The following SLC2A2 variants were observed in gnomAD, a reference collection of about 807,000 sequenced individuals.
SLC2A2 encodes solute carrier family 2, facilitated glucose transporter member 2.
Under a neutral mutation model 54.5 loss-of-function variants are expected in SLC2A2, and 36 were observed. That is an observed-to-expected ratio of 0.66 (90% CI 0.51 to 0.87). The LOEUF (loss-of-function observed/expected upper bound fraction) is 0.87. Among genes scored for constraint, SLC2A2 ranks in the 40% least tolerant of loss-of-function variants. The probability of loss-of-function intolerance (pLI) is 0.00; values close to 1 mark genes in which losing one functional copy is unlikely to be tolerated. For synonymous variants in SLC2A2, 223 were observed against 219.1 expected (o/e 1.02, Z -0.16); for missense variants, 543 against 624.3 (o/e 0.87, Z 1.39).
chr3:170,997,991 G>T lies in SLC2A2; in HGVS notation c.1487C>A (p.Ala496Asp). 8 of 1,613,646 alleles carry T rather than the reference G, an allele frequency of 5.0e-6. No homozygotes were observed. Among genetic ancestry groups the T allele is most frequent in the Non-Finnish European group, 6.8e-6 (8 of 1,179,768 alleles). Residue 496 changes from alanine (A) to aspartate (D), a missense_variant, in exon 11 of 11, where the codon GCT becomes GAT. Coordinates refer to ENST00000314251, the MANE Select transcript of SLC2A2 (RefSeq NM_000340.2). ...ETKGKSFEEIAAEFQKKSGSA... is the reference protein window; with the variant it reads ...ETKGKSFEEIDAEFQKKSGSA... ...GCCACTCTTCTTTTGGAATTCTGCA[G>T]CAATTTCCTCAAAAGACTTTCCTTT...
At chr3:171,003,295 A>G (rs1240708277) in intron 7 of SLC2A2, among the ~76,000 whole-genome samples, 1 of 151,926 alleles carries the variant, frequency 6.6e-6, no homozygotes, top group East Asian at 1.9e-4. Flanking sequence ...ATTTTATTAT[A>G]TTAATATACC....
chr3:171,026,636 T>G lies in SLC2A2; in HGVS notation c.15+20A>C, dbSNP rs1388170813. The G allele has an allele frequency of 6.2e-7, 1 of 1,609,308 alleles. No individual in the cohort carries two copies. Among genetic ancestry groups the G allele is most frequent in the Admixed American group, 1.7e-5 (1 of 60,022 alleles). On this transcript the variant is annotated intron_variant, in intron 1 of 10. Transcript: ENST00000314251. ...TATCTCCTGAAAACCAGACTTGAAA[T>G]GAATATAATGCTGCTTTACCTTATC...
Position 171,026,696 on chromosome 3 carries a change from T to G in SLC2A2, c.-26A>C. ...TGTACTAGTTGGGAGTCCTGTCAAT[T>G]CCAGGTCTTGTGTGAGTGTGGCACA... On this transcript the variant is annotated 5_prime_UTR_variant, in exon 1 of 11. Coordinates refer to ENST00000314251, the MANE Select transcript of SLC2A2 (RefSeq NM_000340.2). 6.2e-7 allele frequency: 1 copy of G among 1,610,772 alleles called. No individual in the cohort carries two copies. Among genetic ancestry groups the G allele is most frequent in the Non-Finnish European group, 8.5e-7 (1 of 1,176,860 alleles).
chr3:171,002,723 G>GCA (rs756161836), intron 7 of SLC2A2, 43 bp from the exon 8 acceptor site: 1 of 1,073,246 alleles, frequency 9.3e-7, no homozygotes, highest in East Asian at 2.5e-5. Context: ...AAGAAGTCTG[G>GCA]CACTGATATC....
At chr3:171,020,388 G>A (rs1275099868) in intron 1 of SLC2A2, among the ~76,000 whole-genome samples, 8 of 152,062 alleles carry the variant, frequency 5.3e-5, no homozygotes, top group Non-Finnish European at 1.0e-4. Context: ...CTCTGGGGTG[G>A]GGATAGGGAA....
chr3:171,019,083 ATATG>A (rs200246301), intron 1 of SLC2A2, among the ~76,000 whole-genome samples: 1,822 of 93,642 alleles, frequency 0.019, 54 homozygotes, highest in African/African-American at 0.096. Context: ...GTGTATATAT[ATATG>A]TGTGTGTGTG....
intron 9 of SLC2A2, 67 bp downstream of exon 9, chr3:170,998,998 T>G: frequency 1.0e-6 from 1 of 999,900 alleles, no homozygotes; most frequent in South Asian, 1.3e-5. Flanking sequence ...CACTTTAACC[T>G]GGACCACAGA....
In SLC2A2 at chr3:170,997,153, G is replaced by T. The variant is rs967025279; in HGVS notation, c.*750C>A. The T allele has an allele frequency of 6.6e-6, 1 of 152,350 alleles. No individual in the cohort carries two copies. Among genetic ancestry groups the T allele is most frequent in the Non-Finnish European group, 1.5e-5 (1 of 68,212 alleles). The allele number at this position is 152,350 out of a possible 1,614,324, so 9.4% of individuals were successfully genotyped here. A position where few individuals can be genotyped will look rare whatever the true frequency, so the allele number is the denominator to read the frequency against. On this transcript the variant is annotated 3_prime_UTR_variant, in exon 11 of 11. Coordinates refer to ENST00000314251, the MANE Select transcript of SLC2A2 (RefSeq NM_000340.2). ...AGGGAATCAACATGGTTTTATAATA[G>T]ATGTTAATGTTAACTGATAACCCAC...
intron 3 of SLC2A2, among the ~76,000 whole-genome samples, chr3:171,011,895 A>G (rs1028208129): frequency 6.6e-6 from 1 of 152,142 alleles, no homozygotes; most frequent in Non-Finnish European, 1.5e-5. Context: ...CCCTTTCCCT[A>G]CCACCAAAGG....
intron 1 of SLC2A2, among the ~76,000 whole-genome samples, chr3:171,019,077 A>G (rs562355008): frequency 0.022 from 1,920 of 85,842 alleles, 18 homozygotes; most frequent in African/African-American, 0.072. Flanking sequence ...GTGTGTGTGT[A>G]TATATATATG....
At chr3:171,002,489 A>G (rs1715385577) in intron 8 of SLC2A2, 87 bp downstream of exon 8, 1 of 819,624 alleles carries the variant, frequency 1.2e-6, no homozygotes, top group African/African-American at 1.7e-5. Flanking sequence ...TAAGTCATTG[A>G]TTGCTTTTAG....
Position 171,005,982 on chromosome 3 carries a change from G to A in SLC2A2, c.736C>T (p.Leu246Phe). 1 of 1,612,526 alleles carries A rather than the reference G, an allele frequency of 6.2e-7. No individual in the cohort carries two copies. The highest frequency in any genetic ancestry group is 1.3e-5 in the African/African-American group (1 of 74,934). ...ACTTCCTCATCTAACTTGATGTAAA[G>A]GTATCTGGGGCTTTCTGGACAGAAA... ...LFFCPESPRY[L>F]YIKLDEEVKA... Residue 246 changes from leucine (L) to phenylalanine (F), a missense_variant, in exon 6 of 11, where the codon CTT becomes TTT. Leu to Phe is a conservative substitution (Grantham distance 22, BLOSUM62 0). Around this residue, in one of 3 missense-constraint regions of SLC2A2, gnomAD observed 318 missense variants for 343.8 expected, o/e 0.93. Coordinates refer to ENST00000314251, the MANE Select transcript of SLC2A2 (RefSeq NM_000340.2).
chr3:170,997,584 A>G lies in SLC2A2; in HGVS notation c.*319T>C, dbSNP rs1391409692. 3.9e-6 allele frequency: 1 copy of G among 257,956 alleles called. No homozygotes were observed. The highest frequency in any genetic ancestry group is 5.0e-5 in the Admixed American group (1 of 19,832). 16.0% of individuals were successfully genotyped at this position (257,956 alleles called of 1,614,324 possible). ...AGGTTTCTAGTTATGTGTTAAAAAA[A>G]TGATATGTTGAAATCTCTTCAATTT... On this transcript the variant is annotated 3_prime_UTR_variant, in exon 11 of 11. Transcript: ENST00000314251.
chr3:170,996,911 T>G lies in SLC2A2; in HGVS notation c.*992A>C. On this transcript the variant is annotated 3_prime_UTR_variant, in exon 11 of 11. Coordinates refer to ENST00000314251, the MANE Select transcript of SLC2A2 (RefSeq NM_000340.2). ...ACTCAGGAATCCTCAAACCCTACCT[T>G]TTCAACTTATTTTGAGACATAATAA... 1 of 361,980 alleles carries G rather than the reference T, an allele frequency of 2.8e-6. No individual in the cohort carries two copies. The highest frequency in any genetic ancestry group is 4.9e-6 in the Non-Finnish European group (1 of 203,094). The allele number at this position is 361,980 out of a possible 1,614,324, so 22.4% of individuals were successfully genotyped here.
intron 1 of SLC2A2, among the ~76,000 whole-genome samples, chr3:171,019,095 GTGTATATATA>G (rs1390478135): frequency 7.8e-5 from 6 of 76,588 alleles, no homozygotes; most frequent in African/African-American, 2.0e-4. Flanking sequence ...ATGTGTGTGT[GTGTATATATA>G]TATATATATA....
At chr3:171,010,224 C>A in intron 3 of SLC2A2, 142 bp from the exon 4 acceptor site, 1 of 829,252 alleles carries the variant, frequency 1.2e-6, no homozygotes, top group Non-Finnish European at 2.0e-6. Context: ...GAATCTTGAA[C>A]CAAGATTGCT....
intron 7 of SLC2A2, among the ~76,000 whole-genome samples, chr3:171,003,093 A>G (rs1277668493): frequency 6.6e-6 from 1 of 151,982 alleles, no homozygotes; most frequent in Admixed American, 6.6e-5. Context: ...ATCTCCCTTT[A>G]TCACTTATCC....
intron 2 of SLC2A2, among the ~76,000 whole-genome samples, chr3:171,017,034 T>C (rs909263551): frequency 2.0e-5 from 3 of 151,930 alleles, no homozygotes; most frequent in Admixed American, 6.6e-5. Flanking sequence ...GTATTTTTAG[T>C]AGAGACAGGG....
intron 1 of SLC2A2, among the ~76,000 whole-genome samples, chr3:171,025,909 A>G (rs188507569): frequency 6.6e-6 from 1 of 152,304 alleles, no homozygotes; most frequent in Admixed American, 6.5e-5. Flanking sequence ...TGATCATTCC[A>G]TAACCTTCGC....
Sources: allele counts gnomAD v4.1 joint callset (sites outside exome capture counted in the v4.1 genomes callset), GRCh38; gene constraint gnomAD v4.1.1; regional missense constraint gnomAD v4.1.1; transcripts MANE v1.5; gene names NCBI Gene and HGNC (gene_info 2026-07-23, HGNC 2026-07-21).